The following STRN3 variants were observed in gnomAD, a reference collection of about 807,000 sequenced individuals.
STRN3 encodes striatin 3, also known as striatin-3.
Under a neutral mutation model 95.6 loss-of-function variants are expected in STRN3, and 29 were observed. The ratio of observed to expected loss-of-function variants is 0.30; its 90% CI spans 0.23 to 0.41. The LOEUF (loss-of-function observed/expected upper bound fraction) is 0.41, where lower values mean the gene tolerates loss of function less well. STRN3 is among the 10% of genes least tolerant of loss of function. The probability of loss-of-function intolerance (pLI) is 1.00; values close to 1 mark genes in which losing one functional copy is unlikely to be tolerated. For missense variants in STRN3, 890 were observed against 972.1 expected, an observed-to-expected ratio of 0.92 and a Z score of 1.12; for synonymous variants, 331 against 357.6, an observed-to-expected ratio of 0.93 and a Z score of 0.84.
At chr14:31,008,413 T>C (rs1594577047) in intron 1 of STRN3, among the ~76,000 whole-genome samples, 4 of 151,006 alleles carry the variant, frequency 2.6e-5, no homozygotes, top group African/African-American at 9.7e-5. Flanking sequence ...GAGGCTGAGG[T>C]GGGAGGATCG....
intron 5 of STRN3, among the ~76,000 whole-genome samples, chr14:30,937,831 T>C (rs1224998043): frequency 6.6e-6 from 1 of 151,772 alleles, no homozygotes; most frequent in African/African-American, 2.4e-5. Context: ...TCAGGGAGGG[T>C]TTTTGCCCCC....
In STRN3 at chr14:30,905,509, A is replaced by T; in HGVS notation, c.1938T>A (p.His646Gln). 1 of 1,609,312 alleles carries T rather than the reference A, an allele frequency of 6.2e-7. No individual in the cohort carries two copies. The highest frequency in any genetic ancestry group is 8.5e-7 in the Non-Finnish European group (1 of 1,178,146). The change falls in exon 15 of 18, where the codon CAT becomes CAA. Residue 646 changes from histidine to glutamine, a missense_variant. His to Gln is a conservative substitution (Grantham distance 24). This residue lies in a region of STRN3 where 357 missense variants were observed against 422.8 expected (regional missense o/e 0.84). Transcript: ENST00000357479. ...TACCAGTGTTGAAAGAGGTTACCAT[A>T]TGAGCTGGATCACAGCCTATAAAGT... is the stretch of plus-strand genomic sequence containing the variant. ...SVDFIGCDPA[H>Q]MVTSFNTGSA...
chr14:30,988,253 C>T (rs1248223383), intron 1 of STRN3, among the ~76,000 whole-genome samples: 2 of 152,144 alleles, frequency 1.3e-5, no homozygotes, highest in African/African-American at 2.4e-5. Flanking sequence ...ACACGAGCAG[C>T]ACTTTGGCCT....
At chr14:31,004,459 A>G (rs556638889) in intron 1 of STRN3, among the ~76,000 whole-genome samples, 2 of 152,252 alleles carry the variant, frequency 1.3e-5, no homozygotes, top group South Asian at 2.1e-4. Context: ...TGTTTCTAAA[A>G]TAAGTTAAAA....
intron 16 of STRN3, among the ~76,000 whole-genome samples, chr14:30,900,129 G>A (rs1053484407): frequency 3.9e-5 from 6 of 152,066 alleles, no homozygotes; most frequent in Non-Finnish European, 5.9e-5. Flanking sequence ...AGGCCAAGGT[G>A]GGCGGATCAC....
At chr14:31,017,560 A>T (rs1243685416) in intron 1 of STRN3, among the ~76,000 whole-genome samples, 1 of 152,210 alleles carries the variant, frequency 6.6e-6, no homozygotes, top group Non-Finnish European at 1.5e-5. Flanking sequence ...ATAAGTTACA[A>T]ACTCATTGTA....
At chr14:30,936,841 T>A (rs1473695114) in intron 5 of STRN3, among the ~76,000 whole-genome samples, 1 of 152,190 alleles carries the variant, frequency 6.6e-6, no homozygotes, top group African/African-American at 2.4e-5. Flanking sequence ...AAGTTCATTG[T>A]CCAAAATATT....
intron 1 of STRN3, among the ~76,000 whole-genome samples, chr14:30,980,027 A>G (rs1270945250): frequency 6.6e-6 from 1 of 151,592 alleles, no homozygotes; most frequent in African/African-American, 2.4e-5. Context: ...AGGTGGGCGG[A>G]TCACGAGGTC....
intron 1 of STRN3, among the ~76,000 whole-genome samples, chr14:30,999,136 T>G (rs1228275814): frequency 5.3e-5 from 8 of 152,180 alleles, no homozygotes; most frequent in Admixed American, 2.0e-4. Context: ...CTCGCCCTCC[T>G]AGGCTCAACC....
chr14:30,941,669 A>G (rs1199326197), intron 5 of STRN3, among the ~76,000 whole-genome samples: 1 of 152,082 alleles, frequency 6.6e-6, no homozygotes, highest in African/African-American at 2.4e-5. Flanking sequence ...TTTGTCACCC[A>G]GGCTGGAGTA....
chr14:30,954,487 C>T (rs187756992), intron 3 of STRN3, among the ~76,000 whole-genome samples: 3 of 152,000 alleles, frequency 2.0e-5, no homozygotes, highest in Admixed American at 6.6e-5. Context: ...AATAATTTTA[C>T]AATATTTTGT....
At chr14:30,966,689 C>A (rs538915737) in intron 1 of STRN3, among the ~76,000 whole-genome samples, 2 of 152,224 alleles carry the variant, frequency 1.3e-5, no homozygotes, top group African/African-American at 4.8e-5. Context: ...TAAATGTGTG[C>A]GTGCGTGAAT....
chr14:30,946,670 G>A (rs1235917451), intron 5 of STRN3, among the ~76,000 whole-genome samples: 1 of 151,888 alleles, frequency 6.6e-6, no homozygotes, highest in African/African-American at 2.4e-5. Flanking sequence ...CTCTGAACTC[G>A]ATCTGCTTTA....
intron 7 of STRN3, among the ~76,000 whole-genome samples, chr14:30,929,966 A>AAAAAAAAAAAAAAAAAAAAC (rs1555317368): frequency 4.6e-5 from 5 of 108,282 alleles, no homozygotes; most frequent in Non-Finnish European, 7.2e-5. Context: ...AAAAAAAAAA[A>AAAAAAAAAAAAAAAAAAAAC]AAAAAAAAAA....
chr14:30,941,778 A>G (rs1879106498), intron 5 of STRN3, among the ~76,000 whole-genome samples: 1 of 152,104 alleles, frequency 6.6e-6, no homozygotes, highest in South Asian at 2.1e-4. Context: ...GGCGCCTGCC[A>G]CCATGCCCAG....
intron 1 of STRN3, among the ~76,000 whole-genome samples, chr14:31,022,659 A>G (rs936806676): frequency 2.6e-5 from 4 of 151,730 alleles, no homozygotes; most frequent in Non-Finnish European, 5.9e-5. Flanking sequence ...CCACTCTATA[A>G]AAAAGAGCTA....
chr14:30,956,837 T>A (rs1011464525), intron 1 of STRN3, among the ~76,000 whole-genome samples: 1 of 152,192 alleles, frequency 6.6e-6, no homozygotes, highest in Non-Finnish European at 1.5e-5. Flanking sequence ...AACAGATTAC[T>A]TCAAAAGCTT....
intron 3 of STRN3, 93 bp downstream of exon 3, chr14:30,955,527 A>G (rs1249269760): frequency 3.8e-5 from 40 of 1,063,244 alleles, no homozygotes; most frequent in Middle Eastern, 3.1e-4. Flanking sequence ...TCATTCTCTA[A>G]TATTATCAAA....
intron 13 of STRN3, among the ~76,000 whole-genome samples, chr14:30,909,041 C>T (rs1296146142): frequency 1.3e-5 from 2 of 152,214 alleles, no homozygotes; most frequent in Admixed American, 6.5e-5. Flanking sequence ...ATCACATGCT[C>T]AGTTACTCAC....
Sources: gnomAD v4.1 joint callset for allele counts (sites outside exome capture counted in the v4.1 genomes callset) on GRCh38, gnomAD v4.1.1 for gene constraint, gnomAD v4.1.1 regional missense constraint, MANE v1.5 for transcripts, NCBI Gene and HGNC (gene_info 2026-07-23, HGNC 2026-07-21) for gene names.